The following OR6N1 variants were observed in gnomAD, a reference collection of about 807,000 sequenced individuals.
The protein encoded by OR6N1 is olfactory receptor 6N1.
For missense variants in OR6N1, 394 were observed against 371.7 expected (o/e 1.06, Z -0.49); for synonymous variants, 170 against 150.7 (o/e 1.13, Z -0.94).
At chr1:158,840,287 A>T in the OR6N1 span, among the ~76,000 whole-genome samples, 1 of 152,304 alleles carries the variant, frequency 6.6e-6, no homozygotes, top group African/African-American at 2.4e-5. Context: ...TGGGTAATTT[A>T]TAAAGAAAAG....
the OR6N1 span, chr1:158,831,549 T>G: frequency 6.6e-6 from 1 of 152,292 alleles, no homozygotes; most frequent in South Asian, 2.1e-4. Flanking sequence ...GGAAGAAGCA[T>G]CCATTAAGGT....
At chr1:158,834,865 G>T in the OR6N1 span, among the ~76,000 whole-genome samples, 4 of 152,118 alleles carry the variant, frequency 2.6e-5, no homozygotes, top group Non-Finnish European at 4.4e-5. Context: ...CAGCATTTTT[G>T]AAAAGACTGT....
At chr1:158,782,406 G>C in the OR6N1 span, among the ~76,000 whole-genome samples, 1 of 152,108 alleles carries the variant, frequency 6.6e-6, no homozygotes, top group East Asian at 1.9e-4. Flanking sequence ...GGGTTGCTTT[G>C]AGAATTAAAT....
the OR6N1 span, among the ~76,000 whole-genome samples, chr1:158,799,725 C>A: frequency 6.6e-6 from 1 of 152,142 alleles, no homozygotes; most frequent in Non-Finnish European, 1.5e-5. Context: ...TAAGCGACAT[C>A]ATGGGATGGT....
the OR6N1 span, among the ~76,000 whole-genome samples, chr1:158,839,104 A>AT: frequency 2.6e-5 from 4 of 152,054 alleles, no homozygotes; most frequent in African/African-American, 9.6e-5. Flanking sequence ...GTGGAGATTC[A>AT]TTTTTTTCTT....
At chr1:158,810,523 G>A in the OR6N1 span, among the ~76,000 whole-genome samples, 340 of 152,246 alleles carry the variant, frequency 2.2e-3, 1 homozygote, top group African/African-American at 7.6e-3. Context: ...CAGCAGAGCA[G>A]CTCTATGTCT....
chr1:158,781,835 CAT>C, the OR6N1 span, among the ~76,000 whole-genome samples: 3 of 152,254 alleles, frequency 2.0e-5, no homozygotes, highest in Admixed American at 1.3e-4. Flanking sequence ...CTAAGCAACA[CAT>C]GTTGTTCTAA....
the OR6N1 span, among the ~76,000 whole-genome samples, chr1:158,800,632 A>G: frequency 6.6e-6 from 1 of 152,168 alleles, no homozygotes; most frequent in Non-Finnish European, 1.5e-5. Context: ...ATGCTGCTGT[A>G]TGCTACTCCA....
At chr1:158,784,522 C>T in the OR6N1 span, among the ~76,000 whole-genome samples, 2 of 152,130 alleles carry the variant, frequency 1.3e-5, no homozygotes, top group Admixed American at 6.5e-5. Flanking sequence ...GAACTTCTTC[C>T]TCCTGTCTAA....
At chr1:158,807,778 T>C in the OR6N1 span, among the ~76,000 whole-genome samples, 1 of 152,206 alleles carries the variant, frequency 6.6e-6, no homozygotes, top group Non-Finnish European at 1.5e-5. Context: ...CTTCTTTCTT[T>C]CTGTATTGCA....
chr1:158,789,959 T>C, the OR6N1 span, among the ~76,000 whole-genome samples: 1 of 152,230 alleles, frequency 6.6e-6, no homozygotes, highest in African/African-American at 2.4e-5. Context: ...CTGATAGTTT[T>C]GTCATTTGAA....
At chr1:158,827,329 C>G in the OR6N1 span, among the ~76,000 whole-genome samples, 1 of 152,138 alleles carries the variant, frequency 6.6e-6, no homozygotes, top group Non-Finnish European at 1.5e-5. Context: ...CTACTGCAGG[C>G]TTCTATTTAG....
the OR6N1 span, among the ~76,000 whole-genome samples, chr1:158,797,520 T>G: frequency 6.6e-6 from 1 of 152,194 alleles, no homozygotes; most frequent in Non-Finnish European, 1.5e-5. Flanking sequence ...TATATTTTGT[T>G]GTTTGTTTTT....
At chr1:158,821,492 T>A in the OR6N1 span, among the ~76,000 whole-genome samples, 1 of 152,166 alleles carries the variant, frequency 6.6e-6, no homozygotes, top group South Asian at 2.1e-4. Context: ...CACAACCCCA[T>A]GGCAACCACT....
chr1:158,801,688 C>T, the OR6N1 span, among the ~76,000 whole-genome samples: 1 of 152,166 alleles, frequency 6.6e-6, no homozygotes, highest in Non-Finnish European at 1.5e-5. Flanking sequence ...CCCCTCACCA[C>T]CCTGGTAGTC....
At chr1:158,798,727 T>G in the OR6N1 span, among the ~76,000 whole-genome samples, 1 of 152,134 alleles carries the variant, frequency 6.6e-6, no homozygotes, top group East Asian at 1.9e-4. Context: ...TACAAATAAT[T>G]TATATATATA....
rs1435877648 is a variant in OR6N1 at position 158,765,903 on chromosome 1, C to T, written c.780G>A (p.Val260=). 3 of 1,613,998 alleles carry T rather than the reference C, an allele frequency of 1.9e-6. No individual in the cohort carries two copies. The highest frequency in any genetic ancestry group is 2.5e-6 in the Non-Finnish European group (3 of 1,180,010). The change falls in exon 2 of 2, where the codon GTG becomes GTA. Residue 260 remains valine, a synonymous_variant. Coordinates refer to ENST00000641846, the MANE Select transcript of OR6N1 (RefSeq NM_001005185.2). ...IFYGSILSMY[V]QLKKSYSLDY... The stretch of plus-strand genomic sequence containing the variant: ...CCAGTGAGTAGCTCTTCTTCAGCTG[C>T]ACATACATGGAAAGGATGCTCCCAT...
upstream of OR6N1, among the ~76,000 whole-genome samples, chr1:158,773,600 G>T (rs1657478662): frequency 6.6e-6 from 1 of 151,912 alleles, no homozygotes; most frequent in African/African-American, 2.4e-5. Context: ...TTCTCTTTTT[G>T]ACTAAACCTC....
chr1:158,769,450 C>T lies in OR6N1; in HGVS notation c.-19+2571G>A, dbSNP rs940075127. Among the ~76,000 whole-genome samples, 17 of 152,298 alleles carry T rather than the reference C, an allele frequency of 1.1e-4. No homozygotes were observed. The East Asian group carries it at 3.3e-3, about 29-fold the overall frequency. ...AAGTGCTGGGATTACAGGCATAAGT[C>T]ACCATGCTTTGCCAGAAGATATAAT... On this transcript the variant is annotated intron_variant, in intron 1 of 1. Coordinates refer to ENST00000641846, the MANE Select transcript of OR6N1 (RefSeq NM_001005185.2).
Sources: gnomAD v4.1 joint callset for allele counts (sites outside exome capture counted in the v4.1 genomes callset) on GRCh38, gnomAD v4.1.1 for gene constraint, MANE v1.5 for transcripts, NCBI Gene and HGNC (gene_info 2026-07-23, HGNC 2026-07-21) for gene names.